Variants in FREM1 observed in about 807,000 individuals in gnomAD.
The protein encoded by FREM1 is FRAS1 related extracellular matrix 1, also known as FRAS1-related extracellular matrix protein 1.
A neutral mutation model predicts 210.1 loss-of-function variants in FREM1; 220 were observed. That is an observed-to-expected ratio of 1.05 (90% CI 0.94 to 1.17). The LOEUF is 1.17. FREM1 is among the 50% of genes most tolerant of loss of function. FREM1 has a pLI of 0.00. For missense variants in FREM1, 3,454 were observed against 2,675.5 expected (o/e 1.29, Z -6.42); for synonymous variants, 1,189 against 980.2 (o/e 1.21, Z -3.98).
chr9:14,896,499 C>G (rs764693604), intron 1 of FREM1, among the ~76,000 whole-genome samples: 1 of 146,444 alleles, frequency 6.8e-6, no homozygotes, highest in Admixed American at 7.0e-5. Flanking sequence ...TAGCTGAGAT[C>G]GCACCACTGC....
chr9:14,784,459 G>A lies in FREM1; in HGVS notation c.4353C>T (p.Pro1451=), dbSNP rs368079025. 5.5e-5 allele frequency: 89 copies of A among 1,613,766 alleles called. No homozygotes were observed. The African/African-American group carries it at 9.7e-4, about 18-fold the overall frequency. ...QIEYVHYPGV[P]ITNFSQMDVV... ...CATCCATTTGGCTGAAGTTTGTAATGGGAACTCCAGGATAGTGAACATATT... is the reference window on the plus strand; with the variant it reads ...CATCCATTTGGCTGAAGTTTGTAATAGGAACTCCAGGATAGTGAACATATT... Residue 1451 remains proline, a synonymous_variant, in exon 24 of 37, where the codon CCC becomes CCT. Transcript: ENST00000380880.
At chr9:14,748,173 T>A (rs1842788500) in intron 31 of FREM1, among the ~76,000 whole-genome samples, 2 of 152,054 alleles carry the variant, frequency 1.3e-5, no homozygotes. Flanking sequence ...AAAGAAGAAA[T>A]CATATGGATG....
chr9:14,764,578 C>T (rs1027729706), intron 27 of FREM1, among the ~76,000 whole-genome samples: 1 of 152,162 alleles, frequency 6.6e-6, no homozygotes, highest in African/African-American at 2.4e-5. Context: ...TAATTCTTAA[C>T]ATTTGGCATT....
Position 14,807,674 on chromosome 9 carries a change from G to GAC in FREM1, c.3088+264_3088+265dup, listed in dbSNP as rs34499233. ...GTCCTTGTCCCAACACACACACAAA[G>GAC]ACACACACACACACACACACACACC... is the stretch of plus-strand genomic sequence containing the variant. On this transcript the variant is annotated intron_variant, in intron 17 of 36. Coordinates refer to ENST00000380880, the MANE Select transcript of FREM1 (RefSeq NM_001379081.2). Among the ~76,000 whole-genome samples the GAC allele has an allele frequency of 1.0e-2, 1,494 of 149,692 alleles. 12 individuals are homozygous for GAC. The highest frequency in any genetic ancestry group is 0.023 in the African/African-American group (945 of 40,440).
chr9:14,853,048 T>C (rs1053794041), intron 5 of FREM1, among the ~76,000 whole-genome samples: 1 of 152,218 alleles, frequency 6.6e-6, no homozygotes, highest in African/African-American at 2.4e-5. Context: ...CTGCGTTGTG[T>C]TCAGTCACTT....
Position 14,814,390 on chromosome 9 carries a change from A to G in FREM1, c.2641-1326T>C, listed in dbSNP as rs139476944. 3.9e-3 allele frequency among the ~76,000 whole-genome samples: 601 copies of G among 152,286 alleles called. 5 individuals are homozygous for G. Among genetic ancestry groups the G allele is most frequent in the African/African-American group, 0.014 (580 of 41,554 alleles). On this transcript the variant is annotated intron_variant, in intron 15 of 36. Coordinates refer to ENST00000380880, the MANE Select transcript of FREM1 (RefSeq NM_001379081.2). ...TGGCCTAAGGCTTGGCAAAGAAAGC[A>G]CTTATTAAATATTTGCTGAATAAAT... is the stretch of plus-strand genomic sequence containing the variant.
rs7861879 is a variant in FREM1, at chr9:14,823,901, T to C, written c.2169+124A>G. The C allele has an allele frequency of 1.8e-3, 869 of 493,366 alleles. 2 individuals are homozygous for C. The highest frequency in any genetic ancestry group is 0.014 in the African/African-American group (713 of 51,128). 30.6% of individuals were successfully genotyped at this position (493,366 alleles called of 1,614,324 possible). A position where few individuals can be genotyped will look rare whatever the true frequency, so the allele number is the denominator to read the frequency against. On this transcript the variant is annotated intron_variant, in intron 12 of 36. Coordinates refer to ENST00000380880, the MANE Select transcript of FREM1 (RefSeq NM_001379081.2). ...TTAATGGAAACATACAAGTAGCAAG[T>C]ATAAAGATGTCAAGTCTTTGTGGAT...
chr9:14,743,640 T>C (rs969282989), intron 35 of FREM1, among the ~76,000 whole-genome samples: 3 of 152,194 alleles, frequency 2.0e-5, no homozygotes, highest in Non-Finnish European at 2.9e-5. Flanking sequence ...TTAAGAACCA[T>C]TGGAAGATGA....
At chr9:14,751,894 T>C (rs1357002637) in intron 29 of FREM1, 2 of 151,584 alleles carry the variant, frequency 1.3e-5, no homozygotes, top group Non-Finnish European at 2.9e-5. Flanking sequence ...TTGGAATAAA[T>C]AGATTTTATT....
chr9:14,862,154 C>T (rs1481881898), intron 3 of FREM1, among the ~76,000 whole-genome samples: 2 of 152,194 alleles, frequency 1.3e-5, no homozygotes, highest in Admixed American at 1.3e-4. Flanking sequence ...GGCGCTTGTT[C>T]TGCATCATAA....
Position 14,776,043 on chromosome 9 carries a change from G to T in FREM1, c.4603C>A (p.Pro1535Thr), listed in dbSNP as rs1433729222. 6.2e-7 allele frequency: 1 copy of T among 1,613,996 alleles called. No homozygotes were observed. The highest frequency in any genetic ancestry group is 8.5e-7 in the Non-Finnish European group (1 of 1,179,854). ...LSPDLLQLTDPDTPAENLTFL... is the reference protein window; with the variant it reads ...LSPDLLQLTDTDTPAENLTFL... ...GTGAGGTTCTCCGCAGGTGTATCAG[G>T]GTCGGTCAGCTGAAGGAGGTCAGGG... The change falls in exon 25 of 37, where the codon CCT becomes ACT. Residue 1535 changes from proline (P) to threonine (T), a missense_variant. Transcript: ENST00000380880.
rs1831305320 is a variant in FREM1 at position 14,865,315 on chromosome 9, T to C, written c.235-1412A>G. On this transcript the variant is annotated intron_variant, in intron 2 of 36. Coordinates refer to ENST00000380880, the MANE Select transcript of FREM1 (RefSeq NM_001379081.2). ...GGCTAGGTGTGAGAAGTGCCATGTG[T>C]GAGGGAGTCTTGTCCTAAAACATGA... Among the ~76,000 whole-genome samples the C allele has an allele frequency of 5.3e-5, 8 of 152,294 alleles. No homozygotes were observed. In the South Asian group the frequency reaches 1.7e-3, roughly 32 times the overall value.
intron 10 of FREM1, among the ~76,000 whole-genome samples, chr9:14,837,879 G>C (rs960029859): frequency 2.6e-5 from 4 of 152,214 alleles, no homozygotes; most frequent in Non-Finnish European, 5.9e-5. Flanking sequence ...GATAGAGACA[G>C]GGAATTAATT....
rs759229864 is a variant in FREM1, at chr9:14,868,960, C to T, written c.18G>A (p.Trp6Ter). The change falls in exon 2 of 37, where the codon TGG becomes TGA. Residue 6 changes from tryptophan (W) to a stop codon, truncating the protein, a stop_gained. Coordinates refer to ENST00000380880, the MANE Select transcript of FREM1 (RefSeq NM_001379081.2). LOFTEE classifies it high-confidence loss of function. The part of the protein sequence containing the change: MNSLS[W>*]GAANAVLLLL... ...GCAGCAGCACGGCATTCGCAGCCCC[C>T]CAACTCAGAGAGTTCATGCTGACAG... 1.3e-6 allele frequency: 2 copies of T among 1,584,330 alleles called. No individual in the cohort carries two copies. Among genetic ancestry groups the T allele is most frequent in the East Asian group, 4.6e-5 (2 of 43,870 alleles).
chr9:14,770,792 G>T lies in FREM1; in HGVS notation c.4872C>A (p.Asp1624Glu). The stretch of plus-strand genomic sequence containing the variant: ...AGAGTGTGATACGAGGAGCTGTTTT[G>T]TCCAATTGGTCTACCTGGATCATCA... ...VLFTIQVDQL[D>E]KTAPRITLLH... Residue 1624 changes from aspartate (D) to glutamate (E), a missense_variant, in exon 26 of 37, where the codon GAC becomes GAA. Physicochemically the swap from Asp to Glu is conservative, Grantham distance 45. Transcript: ENST00000380880. 8 of 1,611,726 alleles carry T rather than the reference G, an allele frequency of 5.0e-6. No homozygotes were observed. Among genetic ancestry groups the T allele is most frequent in the Non-Finnish European group, 6.8e-6 (8 of 1,178,782 alleles).
chr9:14,818,660 T>C (rs1477883402), intron 14 of FREM1, among the ~76,000 whole-genome samples: 1 of 152,204 alleles, frequency 6.6e-6, no homozygotes, highest in East Asian at 1.9e-4. Context: ...GACCTTCAGG[T>C]AAGGGCAGTT....
At chr9:14,869,628 A>AT (rs1588490414) in intron 1 of FREM1, among the ~76,000 whole-genome samples, 2 of 152,068 alleles carry the variant, frequency 1.3e-5, no homozygotes, top group African/African-American at 2.4e-5. Context: ...TTATAATCTA[A>AT]TTTTTTTCAG....
intron 20 of FREM1, among the ~76,000 whole-genome samples, chr9:14,801,149 C>T (rs1175437915): frequency 1.3e-5 from 2 of 152,124 alleles, no homozygotes; most frequent in African/African-American, 4.8e-5. Flanking sequence ...AGAAGTGCAC[C>T]ATCACACTCG....
intron 7 of FREM1, among the ~76,000 whole-genome samples, chr9:14,846,931 T>C (rs1342724192): frequency 6.6e-6 from 1 of 152,172 alleles, no homozygotes; most frequent in Non-Finnish European, 1.5e-5. Context: ...CCTCATCTTC[T>C]GATGCAGCCG....
Sources: gnomAD v4.1 joint callset for allele counts (sites outside exome capture counted in the v4.1 genomes callset) on GRCh38, gnomAD v4.1.1 for gene constraint, MANE v1.5 for transcripts, NCBI Gene and HGNC (gene_info 2026-07-23, HGNC 2026-07-21) for gene names.